Variants in ARHGEF38 observed in about 807,000 individuals in gnomAD.
The protein encoded by ARHGEF38 is Rho guanine nucleotide exchange factor 38, also known as Rho guanine nucleotide exchange factor (GEF) 38.
Under a neutral mutation model 79.9 loss-of-function variants are expected in ARHGEF38, and 79 were observed. The ratio of observed to expected loss-of-function variants is 0.99; its 90% CI spans 0.82 to 1.19. ARHGEF38 has a LOEUF of 1.19. ARHGEF38 is among the 50% of genes most tolerant of loss of function. ARHGEF38 has a pLI of 0.00. For missense variants in ARHGEF38, 962 were observed against 907.2 expected, an observed-to-expected ratio of 1.06 and a Z score of -0.78; for synonymous variants, 366 against 328.3, an observed-to-expected ratio of 1.11 and a Z score of -1.24.
chr4:105,655,238 A>G (rs1253074116), intron 8 of ARHGEF38, among the ~76,000 whole-genome samples: 1 of 152,200 alleles, frequency 6.6e-6, no homozygotes, highest in East Asian at 1.9e-4. Context: ...TTTTCTCTTA[A>G]AGAGAGCATT....
chr4:105,623,365 G>A (rs1352447576), intron 3 of ARHGEF38, among the ~76,000 whole-genome samples: 2 of 152,186 alleles, frequency 1.3e-5, no homozygotes, highest in African/African-American at 4.8e-5. Context: ...GCCAGAGATT[G>A]CTAAGTAATA....
intron 9 of ARHGEF38, among the ~76,000 whole-genome samples, chr4:105,658,309 T>TGAGGTG (rs1466276124): frequency 6.6e-6 from 1 of 151,984 alleles, no homozygotes; most frequent in Non-Finnish European, 1.5e-5. Flanking sequence ...TTCGGGAGGC[T>TGAGGTG]GAGGTGGGAG....
chr4:105,679,872 G>T lies in ARHGEF38; in HGVS notation c.*1935G>T. On this transcript the variant is annotated 3_prime_UTR_variant, in exon 14 of 14. Transcript: ENST00000420470. ...CTTTGAATCACCAGGTCAACTACAG[G>T]AATGTCCAAACCACGAGGAGCCACA... The T allele has an allele frequency of 1.4e-6, 2 of 1,428,664 alleles. No individual in the cohort carries two copies. The highest frequency in any genetic ancestry group is 2.3e-5 in the East Asian group (1 of 43,818). The allele number at this position is 1,428,664 out of a possible 1,614,324, so 88.5% of individuals were successfully genotyped here.
intron 2 of ARHGEF38, among the ~76,000 whole-genome samples, chr4:105,604,173 T>C (rs56706893): frequency 1.3e-5 from 2 of 152,214 alleles, no homozygotes; most frequent in East Asian, 3.9e-4. Context: ...ACTGACTTCA[T>C]GTGTGTGGGG....
chr4:105,589,404 G>A lies in ARHGEF38; in HGVS notation c.353G>A (p.Arg118Lys), dbSNP rs754124541. The stretch of plus-strand genomic sequence containing the variant: ...CTCAATGATCTAGAGCTGTGTGTTA[G>A]GGAAGTGGTTCAGCCCCTGAGAAAT... ...DYLNDLELCV[R>K]EVVQPLRNKK... Residue 118 changes from arginine to lysine, a missense_variant, in exon 2 of 14, where the codon AGG (arginine) becomes AAG (lysine). By Grantham distance (26) the Arg-to-Lys change is conservative. Transcript: ENST00000420470. 6.2e-7 allele frequency: 1 copy of A among 1,613,020 alleles called. No individual in the cohort carries two copies. Among genetic ancestry groups the A allele is most frequent in the East Asian group, 2.2e-5 (1 of 44,848 alleles).
intron 9 of ARHGEF38, among the ~76,000 whole-genome samples, chr4:105,657,934 A>C (rs2110561675): frequency 6.6e-6 from 1 of 152,322 alleles, no homozygotes; most frequent in Admixed American, 6.5e-5. Context: ...ACCTACTTCC[A>C]AATTATCATA....
At chr4:105,644,967 G>A (rs2110539527) in intron 5 of ARHGEF38, among the ~76,000 whole-genome samples, 1 of 152,266 alleles carries the variant, frequency 6.6e-6, no homozygotes, top group Non-Finnish European at 1.5e-5. Context: ...ACAATTTGAT[G>A]GAAAGTTATA....
Position 105,645,356 on chromosome 4 carries a change from C to A in ARHGEF38, c.843C>A (p.Asn281Lys). 6.6e-7 allele frequency: 1 copy of A among 1,526,562 alleles called. No individual in the cohort carries two copies. The allele number at this position is 1,526,562 out of a possible 1,614,324, so 94.6% of individuals were successfully genotyped here. ...AFAAVKDINV[N>K]INELKRRKDL... ...CTGCTGTGAAGGACATTAATGTTAACATCAATGAACTTAAAAGAAGGAAAG... is the reference window on the plus strand; with the variant it reads ...CTGCTGTGAAGGACATTAATGTTAAAATCAATGAACTTAAAAGAAGGAAAG... The change falls in exon 6 of 14, where the codon AAC (asparagine) becomes AAA (lysine). Residue 281 changes from asparagine to lysine, a missense_variant. Transcript: ENST00000420470.
At chr4:105,592,482 G>A (rs1169122001) in intron 2 of ARHGEF38, among the ~76,000 whole-genome samples, 1 of 151,496 alleles carries the variant, frequency 6.6e-6, no homozygotes, top group African/African-American at 2.4e-5. Flanking sequence ...GCCCAAAGAT[G>A]CTTTAATTTC....
intron 1 of ARHGEF38, among the ~76,000 whole-genome samples, chr4:105,564,372 T>C (rs980081515): frequency 1.3e-5 from 2 of 152,144 alleles, no homozygotes; most frequent in Non-Finnish European, 2.9e-5. Context: ...TCATCAAAGA[T>C]ATTGTGCTAA....
At chr4:105,609,672 C>T (rs139500943) in intron 2 of ARHGEF38, among the ~76,000 whole-genome samples, 61 of 152,054 alleles carry the variant, frequency 4.0e-4, no homozygotes, top group Non-Finnish European at 6.6e-4. Context: ...AAATGAACAA[C>T]GCTGGAGGCA....
At chr4:105,560,578 A>C (rs1296525397) in intron 1 of ARHGEF38, among the ~76,000 whole-genome samples, 1 of 152,210 alleles carries the variant, frequency 6.6e-6, no homozygotes, top group Admixed American at 6.6e-5. Context: ...ACTTAAATGC[A>C]GCAGGAACAC....
intron 9 of ARHGEF38, among the ~76,000 whole-genome samples, chr4:105,657,499 C>T (rs372426127): frequency 1.3e-5 from 2 of 152,094 alleles, no homozygotes; most frequent in South Asian, 4.1e-4. Context: ...CATATCTACA[C>T]TTTTTTAGGA....
chr4:105,648,803 G>T, intron 7 of ARHGEF38, 121 bp downstream of exon 7: 2 of 936,252 alleles, frequency 2.1e-6, no homozygotes, highest in Non-Finnish European at 3.0e-6. Flanking sequence ...ATTGCCCTAT[G>T]CTGTTCTCTT....
chr4:105,615,276 G>C (rs1161138123), intron 3 of ARHGEF38, among the ~76,000 whole-genome samples: 2 of 152,168 alleles, frequency 1.3e-5, no homozygotes, highest in Admixed American at 1.3e-4. Flanking sequence ...AAGATTTCTG[G>C]CAAGGGTGTG....
intron 3 of ARHGEF38, among the ~76,000 whole-genome samples, chr4:105,616,668 A>G (rs917229188): frequency 3.9e-5 from 6 of 152,122 alleles, no homozygotes; most frequent in African/African-American, 1.4e-4. Context: ...ATGTTTTAGA[A>G]AAATTTTGAT....
chr4:105,633,823 A>G (rs564174301), intron 4 of ARHGEF38, among the ~76,000 whole-genome samples: 2 of 152,292 alleles, frequency 1.3e-5, no homozygotes, highest in South Asian at 2.1e-4. Flanking sequence ...ACCATGTGGA[A>G]AGTTTAATAA....
intron 2 of ARHGEF38, among the ~76,000 whole-genome samples, chr4:105,601,848 C>T (rs1315932062): frequency 6.6e-6 from 1 of 152,084 alleles, no homozygotes; most frequent in Non-Finnish European, 1.5e-5. Flanking sequence ...TCCGTATCTT[C>T]CTTTTGCTGT....
chr4:105,571,089 C>T (rs1350992314), intron 1 of ARHGEF38, among the ~76,000 whole-genome samples: 1 of 152,022 alleles, frequency 6.6e-6, no homozygotes, highest in South Asian at 2.1e-4. Flanking sequence ...ATTCTGGAGA[C>T]GTTTGGTGGT....
Sources: allele counts gnomAD v4.1 joint callset (sites outside exome capture counted in the v4.1 genomes callset), GRCh38; gene constraint gnomAD v4.1.1; transcripts MANE v1.5; gene names NCBI Gene and HGNC (gene_info 2026-07-23, HGNC 2026-07-21).